The following IRAG2 variants were observed in gnomAD, a reference collection of about 807,000 sequenced individuals.
IRAG2 encodes lymphoid restricted membrane protein.
IRAG2 carries 45 observed loss-of-function variants against 69.9 expected under a neutral mutation model. The observed-to-expected ratio is 0.64, with a 90% CI of 0.51 to 0.83. The LOEUF (loss-of-function observed/expected upper bound fraction) is 0.83. IRAG2 is among the 40% of genes least tolerant of loss of function. The pLI is 0.00. For missense variants in IRAG2, 520 were observed against 587.0 expected (o/e 0.89, Z 1.18); for synonymous variants, 193 against 202.4 (o/e 0.95, Z 0.40).
intron 10 of IRAG2, among the ~76,000 whole-genome samples, chr12:25,030,776 G>A (rs1210969865): frequency 6.6e-6 from 1 of 152,146 alleles, no homozygotes; most frequent in East Asian, 1.9e-4. Context: ...CTAAATTCTG[G>A]TGGTGTTCAT....
chr12:25,005,683 T>C (rs998018919), intron 2 of IRAG2, among the ~76,000 whole-genome samples: 1 of 152,232 alleles, frequency 6.6e-6, no homozygotes, highest in Non-Finnish European at 1.5e-5. Flanking sequence ...TTTTCAAATA[T>C]GTAAAACCAC....
intron 10 of IRAG2, chr12:25,031,055 A>G: frequency 1.0e-6 from 1 of 985,408 alleles, no homozygotes; most frequent in Non-Finnish European, 1.2e-6. Flanking sequence ...AGACACAGGA[A>G]GGAACACAGC....
chr12:25,104,109 G>C, intron 19 of IRAG2, 51 bp downstream of exon 19: 2 of 1,499,510 alleles, frequency 1.3e-6, no homozygotes, highest in Non-Finnish European at 9.2e-7. Context: ...TTTTATACTT[G>C]GGCTAACCTA....
intron 7 of IRAG2, chr12:25,020,948 T>C: frequency 9.7e-7 from 1 of 1,033,228 alleles, no homozygotes; most frequent in Non-Finnish European, 1.2e-6. Context: ...GGCGTATAAT[T>C]TACATAACTG....
At chr12:25,101,643 G>T (rs559601307) in intron 16 of IRAG2, among the ~76,000 whole-genome samples, 1 of 152,104 alleles carries the variant, frequency 6.6e-6, no homozygotes, top group African/African-American at 2.4e-5. Flanking sequence ...TTCTCCACAC[G>T]TAAAAAGTAA....
intron 6 of IRAG2, among the ~76,000 whole-genome samples, chr12:25,018,322 C>A (rs755866894): frequency 6.6e-6 from 1 of 151,652 alleles, no homozygotes; most frequent in Non-Finnish European, 1.5e-5. Context: ...GGCCTCACCC[C>A]CCACCCCTCA....
intron 14 of IRAG2, chr12:25,093,753 C>T (rs12228364): frequency 0.58 from 89,242 of 155,002 alleles, 29,040 homozygotes; most frequent in East Asian, 0.9. Flanking sequence ...ATTCTTGAGA[C>T]GGCAGAATTA....
chr12:25,042,954 A>G (rs1388584488), intron 16 of IRAG2, among the ~76,000 whole-genome samples: 1 of 151,410 alleles, frequency 6.6e-6, no homozygotes, highest in Non-Finnish European at 1.5e-5. Flanking sequence ...GAAAATATAG[A>G]CTATTCCTGT....
chr12:25,038,949 G>C (rs532846058), intron 16 of IRAG2, among the ~76,000 whole-genome samples: 1 of 152,240 alleles, frequency 6.6e-6, no homozygotes, highest in African/African-American at 2.4e-5. Flanking sequence ...GAGTCATAGG[G>C]AATAGATGGT....
chr12:25,032,377 G>A (rs1944674757), intron 12 of IRAG2: 2 of 399,056 alleles, frequency 5.0e-6, no homozygotes, highest in South Asian at 2.5e-4. Flanking sequence ...CACGTAAGTA[G>A]AGGGCAACCC....
chr12:25,020,814 A>G, exon 7 of IRAG2: 1 of 1,231,952 alleles, frequency 8.1e-7, no homozygotes. Flanking sequence ...TTATGAGAAC[A>G]AATCTGTTAA....
At chr12:25,095,043 C>G (rs1222530759) in intron 14 of IRAG2, among the ~76,000 whole-genome samples, 2 of 152,002 alleles carry the variant, frequency 1.3e-5, no homozygotes, top group African/African-American at 4.8e-5. Context: ...TTCTTCCTTT[C>G]TGATTTGGAT....
At chr12:25,013,208 G>A (rs887266318) in intron 3 of IRAG2, among the ~76,000 whole-genome samples, 1 of 152,208 alleles carries the variant, frequency 6.6e-6, no homozygotes, top group Non-Finnish European at 1.5e-5. Context: ...CGGGGGTGGT[G>A]GCTCGTGCCT....
chr12:25,106,089 A>G (rs183077448), intron 20 of IRAG2, among the ~76,000 whole-genome samples: 1 of 152,272 alleles, frequency 6.6e-6, no homozygotes, highest in Non-Finnish European at 1.5e-5. Context: ...TATACTGAGA[A>G]TATTTTCAAA....
Position 25,107,133 on chromosome 12 carries a change from A to G in IRAG2, c.1256+83A>G, listed in dbSNP as rs1440475705. On this transcript the variant is annotated intron_variant, in intron 21 of 21. Transcript: ENST00000556887. Reference sequence around the variant, plus strand: ...GGGCTGACAGTATTAATCCTAATCAAATTACTAAAAGACATGCCAAATTGT... The same window carrying G: ...GGGCTGACAGTATTAATCCTAATCAGATTACTAAAAGACATGCCAAATTGT... 30 of 613,768 alleles carry G rather than the reference A, an allele frequency of 4.9e-5. No individual in the cohort carries two copies. In the South Asian group the frequency reaches 5.5e-4, roughly 11 times the overall value. 38.0% of individuals were successfully genotyped at this position (613,768 alleles called of 1,614,324 possible). A position where few individuals can be genotyped will look rare whatever the true frequency, so the allele number is the denominator to read the frequency against.
intron 14 of IRAG2, among the ~76,000 whole-genome samples, chr12:25,091,451 A>G (rs1948056073): frequency 6.6e-6 from 1 of 152,192 alleles, no homozygotes; most frequent in Non-Finnish European, 1.5e-5. Context: ...AAGGCTCAAT[A>G]AAATTCTCTT....
chr12:25,089,872 G>T (rs1054206428), intron 13 of IRAG2, 82 bp downstream of exon 13: 37 of 1,410,294 alleles, frequency 2.6e-5, no homozygotes, highest in Middle Eastern at 2.2e-4. Flanking sequence ...TTTGGCACAA[G>T]CTCTCATATG....
chr12:25,045,228 C>G (rs1334110018), intron 16 of IRAG2, among the ~76,000 whole-genome samples: 1 of 151,922 alleles, frequency 6.6e-6, no homozygotes, highest in Non-Finnish European at 1.5e-5. Context: ...ATACCAAAAT[C>G]TTTGGGATGT....
intron 6 of IRAG2, among the ~76,000 whole-genome samples, chr12:25,019,381 A>G (rs1944557963): frequency 6.6e-6 from 1 of 152,116 alleles, no homozygotes. Flanking sequence ...TGGAGATTGT[A>G]TCGAGTGGTG....
Sources: gnomAD v4.1 joint callset for allele counts (sites outside exome capture counted in the v4.1 genomes callset) on GRCh38, gnomAD v4.1.1 for gene constraint, MANE v1.5 for transcripts, NCBI Gene and HGNC (gene_info 2026-07-23, HGNC 2026-07-21) for gene names.